Variants in CRACR2B observed in about 807,000 individuals in gnomAD.
The protein encoded by CRACR2B is EF-hand calcium-binding domain-containing protein 4A.
A neutral mutation model predicts 46.0 loss-of-function variants in CRACR2B; 50 were observed. The observed-to-expected ratio is 1.09, with a 90% CI of 0.87 to 1.38. CRACR2B has a LOEUF of 1.38. CRACR2B is among the 40% of genes most tolerant of loss of function. The pLI, the probability that CRACR2B is intolerant of heterozygous loss-of-function variation, is 0.00. For synonymous variants in CRACR2B, 277 were observed against 239.6 expected, an observed-to-expected ratio of 1.16 and a Z score of -1.44; for missense variants, 667 against 535.0, an observed-to-expected ratio of 1.25 and a Z score of -2.43.
At position 830,915 on chromosome 11, in the gene CRACR2B, C is replaced by A. The variant is rs969572291; in HGVS notation, c.836C>A (p.Ala279Asp). Residue 279 changes from alanine (A) to aspartate (D), a missense_variant, in exon 7 of 9, where the codon GCC becomes GAC. By Grantham distance (126) the Ala-to-Asp change is moderately radical (BLOSUM62 -2). Coordinates refer to ENST00000525077, the MANE Select transcript of CRACR2B (RefSeq NM_001286606.2). ...AQAAEHLEAQ[A>D]QNSQLWRAHE... The stretch of plus-strand genomic sequence containing the variant: ...GCTGCGGAGCACCTGGAGGCACAGG[C>A]CCAGAACTCCCAGCTGTGGCGGGCG... The A allele has an allele frequency of 5.5e-5, 84 of 1,532,242 alleles. No homozygotes were observed. Among genetic ancestry groups the A allele is most frequent in the Non-Finnish European group, 6.6e-5 (76 of 1,145,880 alleles). The allele number at this position is 1,532,242 out of a possible 1,614,324, so 94.9% of individuals were successfully genotyped here. A position where few individuals can be genotyped will look rare whatever the true frequency, so the allele number is the denominator to read the frequency against.
rs147028065 is a variant in CRACR2B, at chr11:828,499, G to A, written c.-109G>A. The A allele has an allele frequency of 4.3e-4, 581 of 1,343,224 alleles. 2 individuals are homozygous for A. In the East Asian group the frequency reaches 0.011, roughly 26 times the overall value. The allele number at this position is 1,343,224 out of a possible 1,614,324, so 83.2% of individuals were successfully genotyped here. Reference sequence around the variant, plus strand: ...CCCACCTGCTGCAGGGAGGGCCCTCGGCTGAGCCTTCAGACACACTTGCAC... The same window carrying A: ...CCCACCTGCTGCAGGGAGGGCCCTCAGCTGAGCCTTCAGACACACTTGCAC... On this transcript the variant is annotated 5_prime_UTR_variant, in exon 1 of 9. Coordinates refer to ENST00000525077, the MANE Select transcript of CRACR2B (RefSeq NM_001286606.2).
At chr11:829,674 G>T in intron 3 of CRACR2B, 134 bp downstream of exon 3, 1 of 1,118,234 alleles carries the variant, frequency 8.9e-7, no homozygotes, top group South Asian at 1.7e-5. Flanking sequence ...AGCGTCAGCT[G>T]CGATTCCCTG....
chr11:829,766 G>A, intron 3 of CRACR2B: 2 of 1,054,894 alleles, frequency 1.9e-6, no homozygotes, highest in Non-Finnish European at 2.6e-6. Flanking sequence ...GGCAGCGCCG[G>A]GCGCGGGGCC....
Position 828,689 on chromosome 11 carries a change from G to A in CRACR2B, c.82G>A (p.Ala28Thr), listed in dbSNP as rs1315093492. Residue 28 changes from alanine (A) to threonine (T), a missense_variant, in exon 1 of 9, where the codon GCT becomes ACT. Coordinates refer to ENST00000525077, the MANE Select transcript of CRACR2B (RefSeq NM_001286606.2). ...CGAGGGGGGCTCTGCAGGGCCGCGG[G>A]CTGCAATACTGGAGCAGGCTGAGGA... ...ELEGGSAGPR[A>T]AILEQAEELF... 2 of 1,611,956 alleles carry A rather than the reference G, an allele frequency of 1.2e-6. No homozygotes were observed. Among genetic ancestry groups the A allele is most frequent in the Admixed American group, 1.7e-5 (1 of 59,454 alleles).
At position 830,075 on chromosome 11, in the gene CRACR2B, C is replaced by T. The variant is rs1179267076; in HGVS notation, c.548C>T (p.Ser183Leu). The T allele has an allele frequency of 6.5e-7, 1 of 1,550,334 alleles. No homozygotes were observed. Among genetic ancestry groups the T allele is most frequent in the Admixed American group, 1.9e-5 (1 of 53,012 alleles). ...GSFEDVLIRA[S>L]ACLEEAARER... ...TTCGAGGATGTTCTGATACGCGCGT[C>T]GGCCTGCCTGGAGGAGGCGGCCCGG... The change falls in exon 4 of 9, where the codon TCG becomes TTG. Residue 183 changes from serine to leucine, a missense_variant. By Grantham distance (145) the Ser-to-Leu change is moderately radical (BLOSUM62 -2). Transcript: ENST00000525077.
rs1034625850 is a variant in CRACR2B at position 830,992 on chromosome 11, C to T, written c.913C>T (p.Leu305=). 2 of 1,533,698 alleles carry T rather than the reference C, an allele frequency of 1.3e-6. No homozygotes were observed. The highest frequency in any genetic ancestry group is 2.7e-5 in the African/African-American group (2 of 72,986). ...GGGGGCGCAGGAGCAGATCCGCAGG[C>T]TGGAGAGCGAAGCACGAGGCCGCCA... ...LEGAQEQIRR[L]ESEARGRQEQ... Residue 305 remains leucine (L), a synonymous_variant, in exon 7 of 9, where the codon CTG becomes TTG. Coordinates refer to ENST00000525077, the MANE Select transcript of CRACR2B (RefSeq NM_001286606.2).
Position 828,713 on chromosome 11 carries a change from G to A in CRACR2B, c.106G>A (p.Glu36Lys), listed in dbSNP as rs1846105379. ...GGCTGCAATACTGGAGCAGGCTGAGGAGCTGTTTCTGCTGTGTGACAAGGA... is the reference window on the plus strand; with the variant it reads ...GGCTGCAATACTGGAGCAGGCTGAGAAGCTGTTTCTGCTGTGTGACAAGGA... The part of the protein sequence containing the change: ...PRAAILEQAE[E>K]LFLLCDKEAK... Residue 36 changes from glutamate (E) to lysine (K), a missense_variant, in exon 1 of 9, where the codon GAG (glutamate) becomes AAG (lysine). Coordinates refer to ENST00000525077, the MANE Select transcript of CRACR2B (RefSeq NM_001286606.2). 2.5e-6 allele frequency: 4 copies of A among 1,613,354 alleles called. No homozygotes were observed. The highest frequency in any genetic ancestry group is 2.2e-5 in the South Asian group (2 of 91,058).
At position 829,987 on chromosome 11, in the gene CRACR2B, C is replaced by A; in HGVS notation, c.460C>A (p.Gln154Lys). ...CCTCAGTTCCCGCCCGCCCTCCAGG[C>A]AGCGGGCTGTGAGGACGCTCTGGGC... ...QLGVAPVLGK[Q>K]RAVRTLWARL... is the part of the protein sequence containing the mutation. Residue 154 changes from glutamine (Q) to lysine (K), a missense_variant and splice_region_variant, in exon 4 of 9, where the codon CAG (glutamine) becomes AAG (lysine). Transcript: ENST00000525077. 2 of 1,565,928 alleles carry A rather than the reference C, an allele frequency of 1.3e-6. No homozygotes were observed. The highest frequency in any genetic ancestry group is 1.7e-6 in the Non-Finnish European group (2 of 1,162,318).
upstream of CRACR2B, among the ~76,000 whole-genome samples, chr11:827,035 G>A (rs1590185224): frequency 6.6e-6 from 1 of 152,054 alleles, no homozygotes; most frequent in Non-Finnish European, 1.5e-5. Context: ...GCTCCGGGGG[G>A]TCCCTGGGTC....
At position 831,627 on chromosome 11, in the gene CRACR2B, T is replaced by C; in HGVS notation, c.1118T>C (p.Leu373Pro). The C allele has an allele frequency of 6.4e-7, 1 of 1,559,816 alleles. No homozygotes were observed. Among genetic ancestry groups the C allele is most frequent in the Admixed American group, 2.2e-5 (1 of 46,220 alleles). ...AGGAAGGCTCTGACAACAGCCCGCC[T>C]GCCTGGGCCCACCTGCTGCTGCTGC... ...SCRKALTTAR[L>P]PGPTCCCCCC... The change falls in exon 9 of 9, where the codon CTG becomes CCG. Residue 373 changes from leucine (L) to proline (P), a missense_variant. Transcript: ENST00000525077.
rs34391416 is a variant in CRACR2B at position 831,818 on chromosome 11, G to A, written c.*109G>A. On this transcript the variant is annotated 3_prime_UTR_variant, in exon 9 of 9. Transcript: ENST00000525077. ...TGCAGGCTCTCCCCAGTGGGCCCCA[G>A]GCTCGCCTGACTGAAGACATGAAGG... is the stretch of plus-strand genomic sequence containing the variant. 0.037 allele frequency: 50,129 copies of A among 1,337,284 alleles called. 1,099 individuals carry two copies. The highest frequency in any genetic ancestry group is 0.048 in the South Asian group (3,068 of 63,514). The allele number at this position is 1,337,284 out of a possible 1,614,324, so 82.8% of individuals were successfully genotyped here. A position where few individuals can be genotyped will look rare whatever the true frequency, so the allele number is the denominator to read the frequency against.
chr11:828,793 G>C (rs771908014), intron 1 of CRACR2B, 21 bp downstream of exon 1: 1 of 1,612,646 alleles, frequency 6.2e-7, no homozygotes, highest in Non-Finnish European at 8.5e-7. Context: ...CACCCCAAGA[G>C]ACTGCTTCGG....
upstream of CRACR2B, chr11:827,419 C>T (rs1845979218): frequency 6.8e-6 from 3 of 439,566 alleles, no homozygotes; most frequent in African/African-American, 4.3e-5. Context: ...GCGTCTCGGT[C>T]GGGAACTCCG....
Position 828,731 on chromosome 11 carries a change from G to C in CRACR2B, c.124G>C (p.Asp42His), listed in dbSNP as rs375526040. 6.2e-7 allele frequency: 1 copy of C among 1,613,574 alleles called. No individual in the cohort carries two copies. Residue 42 changes from aspartate (D) to histidine (H), a missense_variant, in exon 1 of 9, where the codon GAC (aspartate) becomes CAC (histidine). Coordinates refer to ENST00000525077, the MANE Select transcript of CRACR2B (RefSeq NM_001286606.2). ...GGCTGAGGAGCTGTTTCTGCTGTGT[G>C]ACAAGGAGGCTAAGGGCTTCATCAC... ...EQAEELFLLC[D>H]KEAKGFITKH...
At chr11:827,488 C>T (rs1456957881), upstream of CRACR2B, 4 of 961,778 alleles carry the variant, frequency 4.2e-6, no homozygotes, top group East Asian at 1.1e-4. Context: ...CCCAGAGTTT[C>T]GGGGAGCACA....
chr11:828,864 G>A lies in CRACR2B; in HGVS notation c.178G>A (p.Asp60Asn), dbSNP rs202043008. Residue 60 changes from aspartate to asparagine, a missense_variant, in exon 2 of 9, where the codon GAC (aspartate) becomes AAC (asparagine). Physicochemically the swap from Asp to Asn is conservative, Grantham distance 23. Coordinates refer to ENST00000525077, the MANE Select transcript of CRACR2B (RefSeq NM_001286606.2). Reference protein sequence around the residue: ...TKHDLQGLQSDLPLTPEQLEA... With the variant: ...TKHDLQGLQSNLPLTPEQLEA... Reference sequence around the variant, plus strand: ...CTTCCCCGACCAGGGTCTCCAGAGCGACCTGCCCCTCACGCCAGAGCAGCT... The same window carrying A: ...CTTCCCCGACCAGGGTCTCCAGAGCAACCTGCCCCTCACGCCAGAGCAGCT... 249 of 1,610,752 alleles carry A rather than the reference G, an allele frequency of 1.5e-4. No individual in the cohort carries two copies. The Admixed American group carries it at 3.0e-3, about 19-fold the overall frequency.
chr11:829,936 C>G, intron 3 of CRACR2B, 50 bp from the exon 4 acceptor site: 1 of 1,530,352 alleles, frequency 6.5e-7, no homozygotes, highest in Non-Finnish European at 8.7e-7. Context: ...GGAGGGAAGC[C>G]TGCTTCCCGC....
At chr11:829,680 C>T in intron 3 of CRACR2B, 140 bp downstream of exon 3, 1 of 1,086,116 alleles carries the variant, frequency 9.2e-7, no homozygotes, top group South Asian at 1.7e-5. Flanking sequence ...AGCTGCGATT[C>T]CCTGGGAGGG....
At chr11:830,503 G>A in intron 5 of CRACR2B, 118 bp from the exon 6 acceptor site, 7 of 1,538,976 alleles carry the variant, frequency 4.5e-6, no homozygotes, top group Non-Finnish European at 6.1e-6. Flanking sequence ...ACCCCCGTCC[G>A]GTCTTCTCCA....
Sources: gnomAD v4.1 joint callset for allele counts (sites outside exome capture counted in the v4.1 genomes callset) on GRCh38, gnomAD v4.1.1 for gene constraint, MANE v1.5 for transcripts, NCBI Gene and HGNC (gene_info 2026-07-23, HGNC 2026-07-21) for gene names.